The following INTS7 variants were observed in gnomAD, a reference collection of about 807,000 sequenced individuals.
The protein encoded by INTS7 is chromosome 1 open reading frame 73.
INTS7 carries 46 observed loss-of-function variants against 109.2 expected under a neutral mutation model. The observed-to-expected ratio is 0.42, with a 90% CI of 0.33 to 0.54. The LOEUF is 0.54. Among genes scored for constraint, INTS7 ranks in the 20% least tolerant of loss-of-function variants. The probability of loss-of-function intolerance (pLI) is 0.07; values close to 1 mark genes in which losing one functional copy is unlikely to be tolerated. For missense variants in INTS7, 929 were observed against 1,132.4 expected (o/e 0.82, Z 2.58); for synonymous variants, 412 against 402.9 (o/e 1.02, Z -0.27).
At chr1:211,956,216 G>T (rs920903337) in intron 16 of INTS7, among the ~76,000 whole-genome samples, 1 of 152,154 alleles carries the variant, frequency 6.6e-6, no homozygotes, top group Non-Finnish European at 1.5e-5. Context: ...AAGTGACTAC[G>T]TGAGTATTTC....
chr1:211,941,593 A>T lies in INTS7; in HGVS notation c.*231T>A. On this transcript the variant is annotated 3_prime_UTR_variant, in exon 20 of 20. Transcript: ENST00000366994. ...CCAGGATGGTCTTGATCTCCTCGTG[A>T]GCCGCCCACCTCAGCCTCCCAAAGT... The T allele has an allele frequency of 1.8e-6, 1 of 552,342 alleles. No homozygotes were observed. Among genetic ancestry groups the T allele is most frequent in the Non-Finnish European group, 3.2e-6 (1 of 314,652 alleles). 34.2% of individuals were successfully genotyped at this position (552,342 alleles called of 1,614,324 possible).
At chr1:212,001,563 T>C (rs1323058853) in intron 7 of INTS7, among the ~76,000 whole-genome samples, 1 of 152,170 alleles carries the variant, frequency 6.6e-6, no homozygotes, top group African/African-American at 2.4e-5. Flanking sequence ...CTGGAACCAA[T>C]CTCCAGCGGA....
chr1:212,032,117 C>T (rs1667192090), intron 1 of INTS7, among the ~76,000 whole-genome samples: 1 of 152,230 alleles, frequency 6.6e-6, no homozygotes, highest in Non-Finnish European at 1.5e-5. Context: ...TCTAAGTTTT[C>T]TTGACCACTT....
At chr1:211,955,500 T>C (rs990098151) in intron 16 of INTS7, among the ~76,000 whole-genome samples, 5 of 152,186 alleles carry the variant, frequency 3.3e-5, no homozygotes, top group Non-Finnish European at 7.3e-5. Context: ...TTCCAGTTTT[T>C]GCCCATTCAG....
rs200347121 is a variant in INTS7, at chr1:211,954,715, G to A, written c.2184-2014C>T. Among the ~76,000 whole-genome samples the A allele has an allele frequency of 2.2e-4, 34 of 152,254 alleles. 1 individual carries two copies. In the East Asian group the frequency reaches 5.6e-3, roughly 25 times the overall value. ...AAAGATCAGATGGTTGTAGATATGCGGCATTATTTCTGAGGGCTCTGTTCT... is the reference window on the plus strand; with the variant it reads ...AAAGATCAGATGGTTGTAGATATGCAGCATTATTTCTGAGGGCTCTGTTCT... On this transcript the variant is annotated intron_variant, in intron 16 of 19. Transcript: ENST00000366994.
chr1:211,999,403 A>G (rs1467566463), intron 7 of INTS7, among the ~76,000 whole-genome samples: 1 of 152,228 alleles, frequency 6.6e-6, no homozygotes, highest in African/African-American at 2.4e-5. Context: ...ATATCCTGGA[A>G]AGGCAAAATC....
chr1:211,984,817 T>C (rs1383757377), intron 8 of INTS7, among the ~76,000 whole-genome samples: 2 of 144,380 alleles, frequency 1.4e-5, no homozygotes, highest in East Asian at 3.9e-4. Context: ...TCCATCTTGT[T>C]TTATTTCTCT....
In INTS7 at chr1:211,956,526, G is replaced by A. The variant is rs75117380; in HGVS notation, c.2184-3825C>T. 1.3e-3 allele frequency among the ~76,000 whole-genome samples: 198 copies of A among 152,140 alleles called. 1 individual carries two copies. The highest frequency in any genetic ancestry group is 2.7e-3 in the Non-Finnish European group (181 of 67,998). Reference sequence around the variant, plus strand: ...CCTGTTCACCTAAGCAAATTTCTTTGCACAAAGTTATTCTTCCCTTATTAT... The same window carrying A: ...CCTGTTCACCTAAGCAAATTTCTTTACACAAAGTTATTCTTCCCTTATTAT... On this transcript the variant is annotated intron_variant, in intron 16 of 19. Transcript: ENST00000366994.
chr1:211,979,843 TA>T (rs1295026575), intron 10 of INTS7, among the ~76,000 whole-genome samples: 3 of 152,336 alleles, frequency 2.0e-5, no homozygotes, highest in Non-Finnish European at 4.4e-5. Context: ...AAGTCTTCCC[TA>T]ATACCCTTGG....
At chr1:212,031,759 C>A (rs1667175205) in intron 1 of INTS7, among the ~76,000 whole-genome samples, 1 of 152,100 alleles carries the variant, frequency 6.6e-6, no homozygotes, top group African/African-American at 2.4e-5. Flanking sequence ...CTAACTACAT[C>A]CTAAAGTAAT....
At chr1:212,017,522 T>G (rs1019977683) in intron 3 of INTS7, among the ~76,000 whole-genome samples, 15 of 152,216 alleles carry the variant, frequency 9.9e-5, no homozygotes, top group Non-Finnish European at 1.9e-4. Flanking sequence ...AGGACGCCCC[T>G]GGGGCTCACA....
intron 7 of INTS7, among the ~76,000 whole-genome samples, chr1:212,003,684 C>T (rs531886630): frequency 6.6e-6 from 1 of 152,158 alleles, no homozygotes; most frequent in African/African-American, 2.4e-5. Flanking sequence ...GACAATAATA[C>T]ATAAAAGTGT....
chr1:212,026,099 A>G (rs1167469521), intron 1 of INTS7, among the ~76,000 whole-genome samples: 1 of 152,144 alleles, frequency 6.6e-6, no homozygotes, highest in African/African-American at 2.4e-5. Flanking sequence ...CAGTGAGCCA[A>G]TATCACGCCA....
At chr1:211,958,426 A>G (rs1341879360) in intron 16 of INTS7, among the ~76,000 whole-genome samples, 1 of 150,474 alleles carries the variant, frequency 6.6e-6, no homozygotes, top group Non-Finnish European at 1.5e-5. Flanking sequence ...CTTCTAAATA[A>G]TATCTTCTTT....
intron 1 of INTS7, among the ~76,000 whole-genome samples, chr1:212,028,147 A>T (rs927884839): frequency 6.6e-6 from 1 of 152,158 alleles, no homozygotes; most frequent in Non-Finnish European, 1.5e-5. Context: ...TTCTCAAGTT[A>T]ACTTCTGCCA....
intron 7 of INTS7, among the ~76,000 whole-genome samples, chr1:212,001,239 G>C (rs1423561857): frequency 2.6e-5 from 4 of 151,636 alleles, no homozygotes; most frequent in Admixed American, 6.6e-5. Flanking sequence ...GGCTAATTTT[G>C]TATTTTTAGT....
rs186195975 is a variant in INTS7 at position 211,944,728 on chromosome 1, C to T, written c.2601+56G>A. ...AACCATGAAAAACACTGGAAAACTT[C>T]CATCAATGAGCTCATATAAAACCTG... On this transcript the variant is annotated intron_variant, in intron 19 of 19. Transcript: ENST00000366994. 1.3e-4 allele frequency: 187 copies of T among 1,400,646 alleles called. No individual in the cohort carries two copies. The African/African-American group carries it at 2.4e-3, about 18-fold the overall frequency. 86.8% of individuals were successfully genotyped at this position (1,400,646 alleles called of 1,614,324 possible). A position where few individuals can be genotyped will look rare whatever the true frequency, so the allele number is the denominator to read the frequency against.
At position 211,968,559 on chromosome 1, in the gene INTS7, A is replaced by ATTGTTGTGGCAATTGCAGG; in HGVS notation, c.1963_1964insCCTGCAATTGCCACAACAA (p.Met655ThrfsTer12). 1 of 1,614,192 alleles carries ATTGTTGTGGCAATTGCAGG rather than the reference A, an allele frequency of 6.2e-7. No individual in the cohort carries two copies. The highest frequency in any genetic ancestry group is 8.5e-7 in the Non-Finnish European group (1 of 1,180,022). ...CCTCTGGAGGTCATTTCCTAAGGTC[A>ATTGTTGTGGCAATTGCAGG]TGGCAATTGTTGTGGCAATTGCAGG... On this transcript the variant is annotated frameshift_variant, in exon 14 of 20. Coordinates refer to ENST00000366994, the MANE Select transcript of INTS7 (RefSeq NM_015434.4). LOFTEE classifies it high-confidence loss of function.
chr1:211,974,487 A>C (rs796123374), intron 13 of INTS7, among the ~76,000 whole-genome samples: 10 of 151,736 alleles, frequency 6.6e-5, no homozygotes, highest in Non-Finnish European at 1.3e-4. Context: ...AATATATACA[A>C]TTTTTAAAGT....
Sources: allele counts gnomAD v4.1 joint callset (sites outside exome capture counted in the v4.1 genomes callset), GRCh38; gene constraint gnomAD v4.1.1; transcripts MANE v1.5; gene names NCBI Gene and HGNC (gene_info 2026-07-23, HGNC 2026-07-21).